GMDS: variants seen among roughly 807,000 people sequenced by gnomAD.
GMDS encodes the protein GDP-mannose 4,6-dehydratase.
Under a neutral mutation model 49.9 loss-of-function variants are expected in GMDS, and 20 were observed. That is an observed-to-expected ratio of 0.40 (90% CI 0.28 to 0.58). The LOEUF (loss-of-function observed/expected upper bound fraction) is 0.58. Among genes scored for constraint, GMDS ranks in the 20% least tolerant of loss-of-function variants. The pLI, the probability that GMDS is intolerant of heterozygous loss-of-function variation, is 0.42. For missense variants in GMDS, 362 were observed against 481.4 expected (o/e 0.75, Z 2.32); for synonymous variants, 177 against 178.6 (o/e 0.99, Z 0.07).
chr6:2,087,878 T>C (rs1773102194), intron 4 of GMDS, among the ~76,000 whole-genome samples: 1 of 152,180 alleles, frequency 6.6e-6, no homozygotes, highest in Non-Finnish European at 1.5e-5. Context: ...ATTGCCCAAG[T>C]TTTGTGTCCT....
chr6:1,867,406 A>G (rs1045480018), intron 7 of GMDS, among the ~76,000 whole-genome samples: 3 of 152,260 alleles, frequency 2.0e-5, no homozygotes, highest in African/African-American at 7.2e-5. Context: ...AAAGGTAACG[A>G]TCGGTAGGAT....
At chr6:2,059,764 A>T (rs960795380) in intron 4 of GMDS, among the ~76,000 whole-genome samples, 1 of 148,520 alleles carries the variant, frequency 6.7e-6, no homozygotes, top group East Asian at 2.0e-4. Context: ...AAAAAAATGT[A>T]TTTAATCCTT....
At chr6:2,237,236 T>C (rs564962829) in intron 1 of GMDS, among the ~76,000 whole-genome samples, 5 of 152,354 alleles carry the variant, frequency 3.3e-5, no homozygotes, top group East Asian at 1.9e-4. Flanking sequence ...TTACTACTTA[T>C]GGTAAGTCAC....
At chr6:1,983,749 G>T (rs1356059414) in intron 4 of GMDS, among the ~76,000 whole-genome samples, 22 of 152,192 alleles carry the variant, frequency 1.4e-4, no homozygotes, top group Admixed American at 1.4e-3. Context: ...TGGAGAAAAA[G>T]AAATGGTTTT....
chr6:1,953,564 C>T (rs970148222), intron 6 of GMDS, among the ~76,000 whole-genome samples: 9 of 152,052 alleles, frequency 5.9e-5, no homozygotes, highest in Non-Finnish European at 1.3e-4. Context: ...TTATGGCATG[C>T]CAAAGTACTC....
intron 4 of GMDS, among the ~76,000 whole-genome samples, chr6:2,076,844 C>A (rs935010223): frequency 1.3e-5 from 2 of 152,032 alleles, no homozygotes; most frequent in Non-Finnish European, 2.9e-5. Flanking sequence ...TCAGGACATA[C>A]GCATGGGCAA....
intron 4 of GMDS, among the ~76,000 whole-genome samples, chr6:2,010,220 G>A (rs9328079): frequency 0.44 from 66,763 of 151,490 alleles, 14,886 homozygotes; most frequent in African/African-American, 0.49. Context: ...CCAGCTACTC[G>A]GGAGGATGAG....
chr6:1,819,434 T>A (rs1212748584), intron 7 of GMDS, among the ~76,000 whole-genome samples: 1 of 152,188 alleles, frequency 6.6e-6, no homozygotes, highest in Non-Finnish European at 1.5e-5. Context: ...AAAGCTCTTC[T>A]CTTTGAAAGA....
At chr6:2,208,870 A>AG in intron 1 of GMDS, among the ~76,000 whole-genome samples, 1 of 151,396 alleles carries the variant, frequency 6.6e-6, no homozygotes, top group East Asian at 1.9e-4. Flanking sequence ...AAAAAAAAAA[A>AG]CTATTAGGCA....
At chr6:1,957,638 T>C (rs1253651884) in intron 6 of GMDS, among the ~76,000 whole-genome samples, 2 of 152,168 alleles carry the variant, frequency 1.3e-5, no homozygotes, top group African/African-American at 4.8e-5. Context: ...CAGAACAATA[T>C]GTAGAGCAGA....
intron 1 of GMDS, among the ~76,000 whole-genome samples, chr6:2,244,207 G>C (rs1469053339): frequency 6.6e-6 from 1 of 151,894 alleles, no homozygotes. Context: ...CTTTGAGAGT[G>C]GTTTCAATAC....
chr6:2,127,901 A>G (rs1775540751), intron 1 of GMDS, among the ~76,000 whole-genome samples: 1 of 152,256 alleles, frequency 6.6e-6, no homozygotes, highest in Non-Finnish European at 1.5e-5. Context: ...TACAACCACC[A>G]TTAAGTTCTG....
intron 4 of GMDS, among the ~76,000 whole-genome samples, chr6:2,057,432 A>C (rs1770845961): frequency 6.6e-6 from 1 of 152,200 alleles, no homozygotes; most frequent in South Asian, 2.1e-4. Context: ...AATAGAACTT[A>C]ATTTCCCCAA....
At chr6:1,752,731 C>T (rs1444949020) in intron 7 of GMDS, among the ~76,000 whole-genome samples, 2 of 152,164 alleles carry the variant, frequency 1.3e-5, no homozygotes, top group African/African-American at 4.8e-5. Context: ...GGCCAATATT[C>T]AACATTCTTA....
At chr6:2,000,199 C>A in intron 4 of GMDS, among the ~76,000 whole-genome samples, 1 of 147,512 alleles carries the variant, frequency 6.8e-6, no homozygotes, top group South Asian at 2.2e-4. Flanking sequence ...CCATGCCCGG[C>A]TAATTTTTTG....
intron 9 of GMDS, among the ~76,000 whole-genome samples, chr6:1,725,098 G>A (rs77865292): frequency 0.022 from 3,256 of 149,704 alleles, 120 homozygotes; most frequent in Admixed American, 0.08. Context: ...ACAACAGATA[G>A]GAATTTGGTT....
At chr6:2,116,521 C>G (rs1299295410) in intron 3 of GMDS, among the ~76,000 whole-genome samples, 1 of 152,176 alleles carries the variant, frequency 6.6e-6, no homozygotes, top group Admixed American at 6.5e-5. Context: ...CATCCAGTGG[C>G]AGGACTGTTC....
intron 1 of GMDS, among the ~76,000 whole-genome samples, chr6:2,163,096 T>C (rs959466485): frequency 3.3e-5 from 5 of 152,238 alleles, no homozygotes; most frequent in Non-Finnish European, 7.3e-5. Context: ...GTTCTTGATA[T>C]ATTCAATCAC....
intron 7 of GMDS, among the ~76,000 whole-genome samples, chr6:1,858,016 A>G (rs1758015648): frequency 6.6e-6 from 1 of 152,198 alleles, no homozygotes; most frequent in Non-Finnish European, 1.5e-5. Flanking sequence ...ATGAAGATCA[A>G]TGTCACCCTG....
Sources: gnomAD v4.1 joint callset for allele counts (sites outside exome capture counted in the v4.1 genomes callset) on GRCh38, gnomAD v4.1.1 for gene constraint, MANE v1.5 for transcripts, NCBI Gene and HGNC (gene_info 2026-07-23, HGNC 2026-07-21) for gene names.